Variants in NAV3 observed in about 807,000 individuals in gnomAD.
NAV3 encodes pore membrane and/or filament interacting like protein 1.
NAV3 carries 87 observed loss-of-function variants against 244.7 expected under a neutral mutation model. The observed-to-expected ratio is 0.36, with a 90% CI of 0.30 to 0.42. NAV3 has a LOEUF of 0.42. Among genes scored for constraint, NAV3 ranks in the 20% least tolerant of loss-of-function variants. The pLI is 1.00. For missense variants in NAV3, 2,663 were observed against 2,893.3 expected (o/e 0.92, Z 1.83); for synonymous variants, 1,126 against 1,042.2 (o/e 1.08, Z -1.55).
At chr12:77,977,712 G>GCGCGCGCACA (rs1349366739) in intron 5 of NAV3, among the ~76,000 whole-genome samples, 2 of 143,000 alleles carry the variant, frequency 1.4e-5, no homozygotes, top group Non-Finnish European at 3.1e-5. Flanking sequence ...ACACACACGC[G>GCGCGCGCACA]CACACACACA....
chr12:77,939,393 C>G (rs1317547700), intron 1 of NAV3, among the ~76,000 whole-genome samples: 2 of 152,102 alleles, frequency 1.3e-5, no homozygotes, highest in Admixed American at 6.6e-5. Flanking sequence ...ATAATTTTAA[C>G]AAGCGTATTT....
intron 9 of NAV3, among the ~76,000 whole-genome samples, chr12:78,044,052 T>G (rs2137121731): frequency 6.6e-6 from 1 of 152,356 alleles, no homozygotes; most frequent in Middle Eastern, 3.4e-3. Context: ...TCTAGGGTTT[T>G]TATGGTTTTA....
At chr12:77,800,922 A>T (rs1414746471) in intron 2 of NAV3, among the ~76,000 whole-genome samples, 1 of 152,156 alleles carries the variant, frequency 6.6e-6, no homozygotes, top group Admixed American at 6.5e-5. Context: ...TAAGAACATT[A>T]GAACTCTTCA....
intron 23 of NAV3, among the ~76,000 whole-genome samples, chr12:78,160,265 C>G (rs1014040412): frequency 8.6e-5 from 13 of 152,022 alleles, no homozygotes; most frequent in African/African-American, 3.1e-4. Context: ...GCATAGAAAG[C>G]CTGGTCACCT....
At chr12:78,102,890 G>A (rs986906769) in intron 12 of NAV3, among the ~76,000 whole-genome samples, 2 of 152,080 alleles carry the variant, frequency 1.3e-5, no homozygotes. Flanking sequence ...CACAGTATGG[G>A]CACCCTGGGC....
chr12:78,043,540 T>G (rs984565538), intron 9 of NAV3, among the ~76,000 whole-genome samples: 1 of 152,168 alleles, frequency 6.6e-6, no homozygotes, highest in African/African-American at 2.4e-5. Context: ...TAATATATAC[T>G]CCCACCGACA....
At chr12:77,915,151 C>A (rs1218198792) in intron 1 of NAV3, among the ~76,000 whole-genome samples, 1 of 151,964 alleles carries the variant, frequency 6.6e-6, no homozygotes, top group Non-Finnish European at 1.5e-5. Flanking sequence ...TACTTCCTGA[C>A]CAGCTGCACA....
chr12:77,751,872 T>C (rs1343231780), intron 2 of NAV3, among the ~76,000 whole-genome samples: 1 of 152,218 alleles, frequency 6.6e-6, no homozygotes, highest in African/African-American at 2.4e-5. Flanking sequence ...CATTAACACA[T>C]TGAAGTTATT....
chr12:77,970,428 T>C (rs1196741310), intron 5 of NAV3, among the ~76,000 whole-genome samples: 1 of 152,170 alleles, frequency 6.6e-6, no homozygotes, highest in Non-Finnish European at 1.5e-5. Flanking sequence ...TGGATTTTGT[T>C]TGTTACTCCA....
chr12:78,077,238 A>C (rs1273432251), intron 12 of NAV3, among the ~76,000 whole-genome samples: 1 of 152,188 alleles, frequency 6.6e-6, no homozygotes, highest in Non-Finnish European at 1.5e-5. Flanking sequence ...AAAAATATAA[A>C]AGCTCAATAA....
At chr12:77,655,802 T>C (rs138252369) in intron 2 of NAV3, among the ~76,000 whole-genome samples, 8,128 of 152,044 alleles carry the variant, frequency 0.053, 513 homozygotes, top group African/African-American at 0.16. Context: ...GGGCCAATAT[T>C]CAACATTCTT....
At chr12:77,618,233 C>G (rs1165160051) in intron 2 of NAV3, among the ~76,000 whole-genome samples, 2 of 152,132 alleles carry the variant, frequency 1.3e-5, no homozygotes, top group Non-Finnish European at 2.9e-5. Context: ...AATCATTTAG[C>G]TAAGCTACTA....
intron 3 of NAV3, among the ~76,000 whole-genome samples, chr12:77,963,877 T>TTCCTTCTCCTTCCTTC (rs1232690039): frequency 2.4e-4 from 5 of 20,890 alleles, no homozygotes; most frequent in Non-Finnish European, 4.1e-4. Context: ...CCCTCCTTCC[T>TTCCTTCTCCTTCCTTC]TCCTTCTCCT....
At chr12:78,117,032 A>T (rs1013145487) in intron 13 of NAV3, 128 bp downstream of exon 13, 4 of 1,100,814 alleles carry the variant, frequency 3.6e-6, no homozygotes, top group Non-Finnish European at 5.1e-6. Context: ...AAATGCAGAG[A>T]TAATAAGGAC....
chr12:77,992,491 T>G (rs541574432), intron 5 of NAV3, among the ~76,000 whole-genome samples: 1 of 152,188 alleles, frequency 6.6e-6, no homozygotes, highest in Non-Finnish European at 1.5e-5. Context: ...ATAAAGAAAT[T>G]TAAGTAAGGA....
At chr12:78,106,284 C>A (rs2166954) in intron 12 of NAV3, among the ~76,000 whole-genome samples, 111,849 of 152,006 alleles carry the variant, frequency 0.74, 41,384 homozygotes, top group Middle Eastern at 0.8. Context: ...CTAACAAAAA[C>A]TATTTGAAAT....
chr12:77,842,461 G>T (rs1875836253), intron 1 of NAV3, among the ~76,000 whole-genome samples: 2 of 151,664 alleles, frequency 1.3e-5, no homozygotes, highest in African/African-American at 4.8e-5. Flanking sequence ...TCAGAGCTGG[G>T]AACCAGAAAG....
At chr12:77,929,798 A>ATTTTTTTTTTTTTTTT (rs10602394) in intron 1 of NAV3, among the ~76,000 whole-genome samples, 3 of 106,044 alleles carry the variant, frequency 2.8e-5, no homozygotes, top group Non-Finnish European at 3.7e-5. Flanking sequence ...ACGGCCAGCT[A>ATTTTTTTTTTTTTTTT]TTTTTTTTTT....
rs1427003046 is a variant in NAV3, at chr12:78,119,655, A to C, written c.3459A>C (p.Gly1153=). 1.2e-6 allele frequency: 2 copies of C among 1,614,044 alleles called. No homozygotes were observed. Among genetic ancestry groups the C allele is most frequent in the East Asian group, 2.2e-5 (1 of 44,892 alleles). Residue 1153 remains glycine, a synonymous_variant, in exon 15 of 40, where the codon GGA becomes GGC. Coordinates refer to ENST00000397909, the MANE Select transcript of NAV3 (RefSeq NM_001024383.2). ...GCACCAGTGGCATTCCTGGCCGAGG[A>C]GGCCACAGATCCAGTACCAGCAGTA... ...KSSTSGIPGR[G]GHRSSTSSID... is the part of the protein sequence containing the mutation.
Sources: gnomAD v4.1 joint callset for allele counts (sites outside exome capture counted in the v4.1 genomes callset) on GRCh38, gnomAD v4.1.1 for gene constraint, MANE v1.5 for transcripts, NCBI Gene and HGNC (gene_info 2026-07-23, HGNC 2026-07-21) for gene names.